The following CCDC60 variants were observed in gnomAD, a reference collection of about 807,000 sequenced individuals.
CCDC60 encodes the protein coiled-coil domain containing 60.
Under a neutral mutation model 63.5 loss-of-function variants are expected in CCDC60, and 54 were observed. That is an observed-to-expected ratio of 0.85 (90% CI 0.68 to 1.07). CCDC60 has a LOEUF of 1.07. Among genes scored for constraint, CCDC60 ranks in the 50% least tolerant of loss-of-function variants. CCDC60 has a pLI of 0.00. For synonymous variants in CCDC60, 206 were observed against 238.8 expected (o/e 0.86, Z 1.27); for missense variants, 651 against 684.3 (o/e 0.95, Z 0.54).
chr12:119,430,711 G>C (rs1379535961), intron 2 of CCDC60, among the ~76,000 whole-genome samples: 1 of 148,354 alleles, frequency 6.7e-6, no homozygotes, highest in Non-Finnish European at 1.5e-5. Flanking sequence ...GACATAGCAG[G>C]AACTCAGCCA....
rs187741673 is a variant in CCDC60, at chr12:119,462,863, G to A, written c.171-9131G>A. On this transcript the variant is annotated intron_variant, in intron 2 of 13. Coordinates refer to ENST00000327554, the MANE Select transcript of CCDC60 (RefSeq NM_178499.5). The stretch of plus-strand genomic sequence containing the variant: ...TTTTGAGACAGAGTCTTGCTCTCTC[G>A]CCCAGGCTGTAGTGCAGTGATGCGA... 3.6e-4 allele frequency among the ~76,000 whole-genome samples: 54 copies of A among 150,322 alleles called. No individual in the cohort carries two copies. In the East Asian group the frequency reaches 8.0e-3, roughly 22 times the overall value.
In CCDC60 at chr12:119,335,181, C is replaced by T. The variant is rs371033981; in HGVS notation, c.5C>T (p.Thr2Ile). The change falls in exon 1 of 14, where the codon ACC becomes ATC. Residue 2 changes from threonine to isoleucine, a missense_variant. Physicochemically the swap from Thr to Ile is moderately conservative, Grantham distance 89. Transcript: ENST00000327554. ...AAAACCTGAAGGATTTTTAAGATGA[C>T]CAAGGTTCCAGCCACCAAGAAGCTT... is the stretch of plus-strand genomic sequence containing the variant. Reference protein sequence around the residue: MTKVPATKKLQS... With the variant: MIKVPATKKLQS... 9.3e-6 allele frequency: 15 copies of T among 1,604,676 alleles called. No individual in the cohort carries two copies. The East Asian group carries it at 2.0e-4, about 22-fold the overall frequency.
At chr12:119,392,547 C>T (rs1270229188) in intron 1 of CCDC60, among the ~76,000 whole-genome samples, 1 of 152,106 alleles carries the variant, frequency 6.6e-6, no homozygotes, top group Non-Finnish European at 1.5e-5. Context: ...AAGTTCTTAC[C>T]CAACGCAGGG....
intron 1 of CCDC60, among the ~76,000 whole-genome samples, chr12:119,360,222 C>A (rs1201409697): frequency 2.6e-5 from 4 of 151,470 alleles, no homozygotes; most frequent in African/African-American, 4.8e-5. Context: ...GGGCTCCTCA[C>A]TTCCCAGTAG....
intron 1 of CCDC60, among the ~76,000 whole-genome samples, chr12:119,367,113 G>C (rs550348708): frequency 6.6e-6 from 1 of 152,110 alleles, no homozygotes; most frequent in Non-Finnish European, 1.5e-5. Context: ...GATTACAGGC[G>C]TGAGCCACCG....
At chr12:119,387,217 T>A (rs1319529686) in intron 1 of CCDC60, among the ~76,000 whole-genome samples, 1 of 152,164 alleles carries the variant, frequency 6.6e-6, no homozygotes, top group Non-Finnish European at 1.5e-5. Flanking sequence ...CGAGTAATTG[T>A]GCCACACACA....
intron 11 of CCDC60, among the ~76,000 whole-genome samples, chr12:119,525,503 A>G (rs1424498410): frequency 6.6e-6 from 1 of 152,234 alleles, no homozygotes; most frequent in Non-Finnish European, 1.5e-5. Context: ...CAACATTCTT[A>G]AAGAAAAAAA....
At chr12:119,468,561 A>T (rs1220578998) in intron 2 of CCDC60, among the ~76,000 whole-genome samples, 10 of 152,244 alleles carry the variant, frequency 6.6e-5, no homozygotes. Flanking sequence ...ATTTAAATTT[A>T]GAAAACATTC....
chr12:119,423,729 A>G (rs1262018148), intron 1 of CCDC60, among the ~76,000 whole-genome samples: 1 of 152,136 alleles, frequency 6.6e-6, no homozygotes, highest in Admixed American at 6.5e-5. Context: ...TTGCCTCATC[A>G]TTCCTTATGT....
In CCDC60 at chr12:119,335,163, G is replaced by A. The variant is rs1208459150; in HGVS notation, c.-14G>A. The stretch of plus-strand genomic sequence containing the variant: ...GTCTTGGGGGCACAGGCTAAAACCT[G>A]AAGGATTTTTAAGATGACCAAGGTT... On this transcript the variant is annotated 5_prime_UTR_variant, in exon 1 of 14. Transcript: ENST00000327554. 3.7e-6 allele frequency: 6 copies of A among 1,601,016 alleles called. No homozygotes were observed. In the Admixed American group the frequency reaches 8.7e-5, roughly 23 times the overall value.
intron 1 of CCDC60, among the ~76,000 whole-genome samples, chr12:119,379,959 C>A (rs775634044): frequency 6.6e-6 from 1 of 152,178 alleles, no homozygotes; most frequent in Non-Finnish European, 1.5e-5. Flanking sequence ...GAAGGTCAAG[C>A]CCAACTCAGT....
chr12:119,340,255 T>C (rs1955518480), intron 1 of CCDC60, among the ~76,000 whole-genome samples: 1 of 152,198 alleles, frequency 6.6e-6, no homozygotes, highest in Non-Finnish European at 1.5e-5. Context: ...GGGAATTAGA[T>C]GACTTAATGT....
At chr12:119,353,410 T>TAA (rs760695066) in intron 1 of CCDC60, among the ~76,000 whole-genome samples, 16 of 152,100 alleles carry the variant, frequency 1.1e-4, no homozygotes, top group Admixed American at 1.3e-4. Flanking sequence ...CACCAAAGGT[T>TAA]TGGAAACTGT....
In CCDC60 at chr12:119,335,252, G is replaced by C; in HGVS notation, c.76G>C (p.Glu26Gln). Residue 26 changes from glutamate to glutamine, a missense_variant, in exon 1 of 14, where the codon GAG (glutamate) becomes CAG (glutamine). Physicochemically the swap from Glu to Gln is conservative, Grantham distance 29. Coordinates refer to ENST00000327554, the MANE Select transcript of CCDC60 (RefSeq NM_178499.5). ...GGCTGTCCGGCCCTTTTATGCCTCG[G>C]AGAACCTAAGGCAGGTAAGTCTCCC... Reference protein sequence around the residue: ...SGAVRPFYASENLRQVPDKPM... With the variant: ...SGAVRPFYASQNLRQVPDKPM... The C allele has an allele frequency of 6.2e-7, 1 of 1,602,268 alleles. No individual in the cohort carries two copies. The highest frequency in any genetic ancestry group is 8.5e-7 in the Non-Finnish European group (1 of 1,174,958).
intron 4 of CCDC60, among the ~76,000 whole-genome samples, chr12:119,487,453 G>A (rs1354739071): frequency 2.6e-5 from 4 of 151,826 alleles, no homozygotes; most frequent in African/African-American, 7.3e-5. Flanking sequence ...GCCTGCCACC[G>A]TGCACAGCTA....
At chr12:119,345,164 CTT>C (rs1955578013) in intron 1 of CCDC60, among the ~76,000 whole-genome samples, 3 of 152,164 alleles carry the variant, frequency 2.0e-5, no homozygotes, top group Admixed American at 2.0e-4. Context: ...CTAGTGCTCT[CTT>C]GTCTCATAAG....
rs375734957 is a variant in CCDC60, at chr12:119,410,081, C to A, written c.91-18602C>A. On this transcript the variant is annotated intron_variant, in intron 1 of 13. Transcript: ENST00000327554. This position sits in a 1 kb window ranked among gnomAD's most constrained non-coding sequence, Gnocchi z 4.0. ...CTTATAGTCCCACGATACTCAATACCCTGACGCTCTCCAAGATACATTGTT... is the reference window on the plus strand; with the variant it reads ...CTTATAGTCCCACGATACTCAATACACTGACGCTCTCCAAGATACATTGTT... Among the ~76,000 whole-genome samples, 1 of 152,092 alleles carries A rather than the reference C, an allele frequency of 6.6e-6. No homozygotes were observed. The highest frequency in any genetic ancestry group is 1.5e-5 in the Non-Finnish European group (1 of 68,036).
chr12:119,452,931 C>T (rs757611381), intron 2 of CCDC60, among the ~76,000 whole-genome samples: 2 of 152,070 alleles, frequency 1.3e-5, no homozygotes, highest in Admixed American at 1.3e-4. Flanking sequence ...CAAGCAATTC[C>T]CCTGCCTCAA....
intron 1 of CCDC60, among the ~76,000 whole-genome samples, chr12:119,428,151 G>A (rs769560507): frequency 1.2e-4 from 18 of 151,972 alleles, no homozygotes; most frequent in African/African-American, 2.9e-4. Flanking sequence ...ATAAACCTCC[G>A]CTATGGGAGC....
Sources: allele counts gnomAD v4.1 joint callset (sites outside exome capture counted in the v4.1 genomes callset), GRCh38; gene constraint gnomAD v4.1.1; non-coding constraint Gnocchi (gnomAD v3.1); transcripts MANE v1.5; gene names NCBI Gene and HGNC (gene_info 2026-07-23, HGNC 2026-07-21).